Variants in HSD17B12 observed in about 807,000 individuals in gnomAD.
HSD17B12 encodes the protein hydroxysteroid 17-beta dehydrogenase 12, also known as very-long-chain 3-oxoacyl-CoA reductase.
Under a neutral mutation model 39.3 loss-of-function variants are expected in HSD17B12, and 32 were observed. The observed-to-expected ratio is 0.81, with a 90% confidence interval of 0.61 to 1.09. The LOEUF is 1.09. HSD17B12 is among the 50% of genes least tolerant of loss of function. The probability of loss-of-function intolerance (pLI) is 0.00; values close to 1 mark genes in which losing one functional copy is unlikely to be tolerated. For missense variants in HSD17B12, 342 were observed against 382.9 expected (o/e 0.89, Z 0.89); for synonymous variants, 150 against 146.7 (o/e 1.02, Z -0.16).
upstream of HSD17B12, among the ~76,000 whole-genome samples, chr11:43,678,432 G>C (rs1949712302): frequency 1.3e-5 from 2 of 152,118 alleles, no homozygotes; most frequent in South Asian, 4.1e-4. Context: ...AAGCTCTTTA[G>C]TTTAATTAGA....
the HSD17B12 span, among the ~76,000 whole-genome samples, chr11:43,622,696 G>T: frequency 9.2e-5 from 14 of 151,926 alleles, no homozygotes. Context: ...TGATATTGTA[G>T]ATTTATTAGC....
chr11:43,815,349 A>G, intron 4 of HSD17B12, 88 bp from the exon 5 acceptor site: 1 of 634,650 alleles, frequency 1.6e-6, no homozygotes, highest in Non-Finnish European at 2.8e-6. Context: ...TATATATCAT[A>G]TTAGTCTTGA....
At chr11:43,777,576 C>T (rs7396444) in intron 3 of HSD17B12, among the ~76,000 whole-genome samples, 99,563 of 151,884 alleles carry the variant, frequency 0.66, 32,979 homozygotes, top group East Asian at 0.75. Context: ...ACTTCCTGTT[C>T]TCCTAATTGA....
At position 43,727,028 on chromosome 11, in the gene HSD17B12, A is replaced by G. The variant is rs539997594; in HGVS notation, c.161-23883A>G. On this transcript the variant is annotated intron_variant, in intron 1 of 10. Transcript: ENST00000278353. ...TTATGTAGTATAAATGTGAGACCAC[A>G]GTTATTACATAAAGGGTGAACTTAC... 5.9e-5 allele frequency among the ~76,000 whole-genome samples: 9 copies of G among 152,370 alleles called. No homozygotes were observed. The East Asian group carries it at 1.7e-3, about 29-fold the overall frequency.
chr11:43,832,081 T>TTA (rs1486143273), intron 7 of HSD17B12, among the ~76,000 whole-genome samples: 1 of 152,258 alleles, frequency 6.6e-6, no homozygotes, highest in East Asian at 1.9e-4. Flanking sequence ...GTATTTTAAT[T>TTA]GTTTTATTTT....
At chr11:43,717,731 CAGAAGTTGTA>C (rs1950136876) in intron 1 of HSD17B12, among the ~76,000 whole-genome samples, 1 of 151,762 alleles carries the variant, frequency 6.6e-6, no homozygotes, top group Admixed American at 6.6e-5. Flanking sequence ...AAGGTGAAAA[CAGAAGTTGTA>C]AGATATCTTA....
chr11:43,673,826 A>G, the HSD17B12 span, among the ~76,000 whole-genome samples: 3 of 151,996 alleles, frequency 2.0e-5, no homozygotes. Flanking sequence ...CATTTTTTAG[A>G]TGCTGCTTTC....
At chr11:43,674,483 G>A in the HSD17B12 span, among the ~76,000 whole-genome samples, 1 of 152,192 alleles carries the variant, frequency 6.6e-6, no homozygotes, top group Non-Finnish European at 1.5e-5. Context: ...GAATAAATGT[G>A]TACATTTTAA....
chr11:43,718,887 T>G, intron 1 of HSD17B12: 1 of 911,232 alleles, frequency 1.1e-6, no homozygotes, highest in Non-Finnish European at 1.8e-6. Flanking sequence ...AGAAACAAGC[T>G]TGACCACTAT....
intron 1 of HSD17B12, chr11:43,718,780 C>A: frequency 9.1e-7 from 1 of 1,103,802 alleles, no homozygotes; most frequent in Non-Finnish European, 1.4e-6. Context: ...TTCACAGCCA[C>A]AAAAAAAAGA....
chr11:43,643,842 A>G, the HSD17B12 span, among the ~76,000 whole-genome samples: 1 of 152,244 alleles, frequency 6.6e-6, no homozygotes, highest in Non-Finnish European at 1.5e-5. Context: ...TCTCTGGAGT[A>G]TAATAACTTA....
At chr11:43,606,014 T>C in the HSD17B12 span, among the ~76,000 whole-genome samples, 5 of 152,200 alleles carry the variant, frequency 3.3e-5, no homozygotes, top group Non-Finnish European at 7.4e-5. Flanking sequence ...CAAAGAACTC[T>C]AATGCTGCAA....
At chr11:43,736,067 G>A (rs1322113339) in intron 1 of HSD17B12, among the ~76,000 whole-genome samples, 1 of 152,170 alleles carries the variant, frequency 6.6e-6, no homozygotes, top group Non-Finnish European at 1.5e-5. Flanking sequence ...AAGATTGATA[G>A]CCTTTTAATT....
chr11:43,672,830 C>A, the HSD17B12 span, among the ~76,000 whole-genome samples: 5 of 152,174 alleles, frequency 3.3e-5, no homozygotes, highest in South Asian at 4.1e-4. Flanking sequence ...CGTGAGTCGC[C>A]GCACCCTGGC....
At chr11:43,635,726 T>C in the HSD17B12 span, among the ~76,000 whole-genome samples, 4 of 152,230 alleles carry the variant, frequency 2.6e-5, no homozygotes, top group African/African-American at 9.6e-5. Flanking sequence ...TTTGAAAACA[T>C]AAACTATACC....
the HSD17B12 span, among the ~76,000 whole-genome samples, chr11:43,637,309 C>T: frequency 6.9e-6 from 1 of 144,900 alleles, no homozygotes; most frequent in Non-Finnish European, 1.5e-5. Context: ...CAACCTCTGT[C>T]TCCCAGGTTC....
intron 9 of HSD17B12, among the ~76,000 whole-genome samples, chr11:43,850,425 A>G (rs947274805): frequency 6.6e-6 from 1 of 152,192 alleles, no homozygotes; most frequent in African/African-American, 2.4e-5. Context: ...ATGCTCGGTA[A>G]AGGCAGATGT....
the HSD17B12 span, among the ~76,000 whole-genome samples, chr11:43,653,845 G>C: frequency 2.0e-5 from 3 of 152,142 alleles, no homozygotes; most frequent in East Asian, 1.9e-4. Context: ...ATTGTGAATA[G>C]TGCCGCAATA....
At chr11:43,634,165 T>A in the HSD17B12 span, among the ~76,000 whole-genome samples, 1 of 142,996 alleles carries the variant, frequency 7.0e-6, no homozygotes, top group East Asian at 2.0e-4. Context: ...TAAAAACAGG[T>A]AATTTGCAGA....
Sources: allele counts gnomAD v4.1 joint callset (sites outside exome capture counted in the v4.1 genomes callset), GRCh38; gene constraint gnomAD v4.1.1; transcripts MANE v1.5; gene names NCBI Gene and HGNC (gene_info 2026-07-23, HGNC 2026-07-21).